Variants in PPP1R1C observed in about 807,000 individuals in gnomAD.
PPP1R1C encodes the protein protein phosphatase 1 regulatory inhibitor subunit 1C.
A neutral mutation model predicts 17.4 loss-of-function variants in PPP1R1C; 15 were observed. That is an observed-to-expected ratio of 0.86 (90% CI 0.58 to 1.33). The LOEUF is 1.33. Ranked by LOEUF, PPP1R1C falls within the 40% of genes most tolerant of loss-of-function variation. The pLI is 0.00. For missense variants in PPP1R1C, 143 were observed against 130.0 expected (o/e 1.10, Z -0.48); for synonymous variants, 35 against 43.1 (o/e 0.81, Z 0.73).
intron 2 of PPP1R1C, among the ~76,000 whole-genome samples, chr2:182,030,235 G>T (rs1574393069): frequency 6.6e-6 from 1 of 152,198 alleles, no homozygotes; most frequent in South Asian, 2.1e-4. Flanking sequence ...TCTCCATCCA[G>T]CTTTGTTCCA....
chr2:182,038,193 A>G (rs1310507388), intron 2 of PPP1R1C, among the ~76,000 whole-genome samples: 1 of 151,978 alleles, frequency 6.6e-6, no homozygotes, highest in Non-Finnish European at 1.5e-5. Context: ...ACACACCACC[A>G]TGACCAGCTA....
At position 182,042,999 on chromosome 2, in the gene PPP1R1C, C is replaced by T. The variant is rs188043384; in HGVS notation, c.143-18443C>T. ...ACAATATTTGTTTAAAAACTTTCTC[C>T]TTAACCTTAAAAAATATGTAAGCAA... On this transcript the variant is annotated intron_variant, in intron 2 of 4. Coordinates refer to ENST00000682840, the MANE Select transcript of PPP1R1C (RefSeq NM_001080545.3). Among the ~76,000 whole-genome samples the T allele has an allele frequency of 4.0e-3, 608 of 152,248 alleles. 1 individual carries two copies. The highest frequency in any genetic ancestry group is 0.016 in the South Asian group (78 of 4,826).
Position 181,961,924 on chromosome 2 carries a change from G to A in PPP1R1C, n.111+7290G>A, listed in dbSNP as rs961802159. ...GACATTGGTCATCAGTGACCTTGTG[G>A]AGCCCATGGATGTCACTCCCCACAG... On this transcript the variant is annotated intron_variant and non_coding_transcript_variant, in intron 1 of 5. Coordinates refer to the PPP1R1C transcript ENST00000464264. This position sits in a 1 kb window ranked among gnomAD's most constrained non-coding sequence, Gnocchi z 5.8. 3.4e-5 allele frequency: 25 copies of A among 744,974 alleles called. No individual in the cohort carries two copies. The highest frequency in any genetic ancestry group is 5.4e-5 in the Non-Finnish European group (22 of 406,328). 46.1% of individuals were successfully genotyped at this position (744,974 alleles called of 1,614,324 possible).
intron 1 of PPP1R1C, among the ~76,000 whole-genome samples, chr2:181,956,051 C>T (rs949435805): frequency 2.0e-5 from 3 of 152,144 alleles, no homozygotes; most frequent in African/African-American, 4.8e-5. Flanking sequence ...ACCTCCCCGC[C>T]GCCACCCCTG....
intron 2 of PPP1R1C, among the ~76,000 whole-genome samples, chr2:182,035,426 C>T (rs1686974291): frequency 6.6e-6 from 1 of 152,102 alleles, no homozygotes; most frequent in Non-Finnish European, 1.5e-5. Flanking sequence ...AGGAATTATG[C>T]ATAATTTGTT....
At chr2:181,991,605 A>G (rs1685475133) in intron 2 of PPP1R1C, among the ~76,000 whole-genome samples, 1 of 152,202 alleles carries the variant, frequency 6.6e-6, no homozygotes, top group Non-Finnish European at 1.5e-5. Flanking sequence ...GGCAGCAAAA[A>G]GATACTGAAA....
At chr2:182,054,361 T>A (rs1687618942) in intron 2 of PPP1R1C, among the ~76,000 whole-genome samples, 2 of 152,194 alleles carry the variant, frequency 1.3e-5, no homozygotes, top group African/African-American at 2.4e-5. Context: ...TGTAGATTTG[T>A]ATACCTACTA....
chr2:181,983,675 A>C (rs1020973908), upstream of PPP1R1C, among the ~76,000 whole-genome samples: 1 of 152,232 alleles, frequency 6.6e-6, no homozygotes, highest in African/African-American at 2.4e-5. Context: ...AGTAGACTAT[A>C]GTATCTACTC....
chr2:182,027,668 T>C (rs1164767680), intron 2 of PPP1R1C, among the ~76,000 whole-genome samples: 1 of 148,704 alleles, frequency 6.7e-6, no homozygotes, highest in African/African-American at 2.6e-5. Flanking sequence ...TGGTCTAAAA[T>C]TCTCTTTTTT....
intron 1 of PPP1R1C, among the ~76,000 whole-genome samples, chr2:181,971,259 C>T (rs1685001463): frequency 6.6e-6 from 1 of 152,258 alleles, no homozygotes; most frequent in African/African-American, 2.4e-5. Flanking sequence ...ATTATTCAGG[C>T]CCAAGGGCTC....
At chr2:182,023,179 G>A (rs1287472844) in intron 2 of PPP1R1C, among the ~76,000 whole-genome samples, 1 of 152,154 alleles carries the variant, frequency 6.6e-6, no homozygotes, top group Non-Finnish European at 1.5e-5. Context: ...ATTTGTCAAT[G>A]CTCAGTGATG....
chr2:182,029,025 G>C (rs892420864), intron 2 of PPP1R1C, among the ~76,000 whole-genome samples: 2 of 142,610 alleles, frequency 1.4e-5, no homozygotes, highest in African/African-American at 5.3e-5. Flanking sequence ...TCAGAGACTA[G>C]GATTGCAACC....
At chr2:182,007,535 A>T (rs997696935) in intron 2 of PPP1R1C, among the ~76,000 whole-genome samples, 2 of 152,182 alleles carry the variant, frequency 1.3e-5, no homozygotes, top group East Asian at 3.8e-4. Flanking sequence ...ATAACGCCAC[A>T]TTAAGGCATA....
At chr2:182,072,430 T>C (rs1292330600) in intron 4 of PPP1R1C, among the ~76,000 whole-genome samples, 1 of 152,258 alleles carries the variant, frequency 6.6e-6, no homozygotes, top group Non-Finnish European at 1.5e-5. Context: ...CTTCAACATA[T>C]ACAATGTGCT....
intron 4 of PPP1R1C, among the ~76,000 whole-genome samples, chr2:182,112,242 A>G (rs1034494335): frequency 2.6e-5 from 4 of 152,030 alleles, no homozygotes; most frequent in Admixed American, 2.0e-4. Context: ...CTAGACCACA[A>G]TATTTTTTTC....
intron 4 of PPP1R1C, among the ~76,000 whole-genome samples, chr2:182,089,675 A>T (rs371713706): frequency 1.1e-3 from 162 of 152,242 alleles, no homozygotes; most frequent in African/African-American, 3.4e-3. Context: ...TAAAACAACG[A>T]TATTCAAAGA....
chr2:182,009,969 T>C (rs1441738817), intron 2 of PPP1R1C, among the ~76,000 whole-genome samples: 1 of 152,116 alleles, frequency 6.6e-6, no homozygotes, highest in Non-Finnish European at 1.5e-5. Context: ...CTCAATTCTG[T>C]TCCATTGGTC....
At chr2:182,084,441 G>C (rs116646454) in intron 4 of PPP1R1C, among the ~76,000 whole-genome samples, 5 of 152,028 alleles carry the variant, frequency 3.3e-5, no homozygotes, top group African/African-American at 1.2e-4. Flanking sequence ...GTTGATTTTT[G>C]TATGTGGTGA....
intron 2 of PPP1R1C, among the ~76,000 whole-genome samples, chr2:182,009,401 A>T (rs1182218736): frequency 6.6e-6 from 1 of 152,086 alleles, no homozygotes; most frequent in African/African-American, 2.4e-5. Context: ...GCACCTTTTC[A>T]TATACCTATT....
Sources: gnomAD v4.1 joint callset for allele counts (sites outside exome capture counted in the v4.1 genomes callset) on GRCh38, gnomAD v4.1.1 for gene constraint, Gnocchi (gnomAD v3.1) non-coding constraint, MANE v1.5 for transcripts, NCBI Gene and HGNC (gene_info 2026-07-23, HGNC 2026-07-21) for gene names.